The following CFAP96 variants were observed in gnomAD, a reference collection of about 807,000 sequenced individuals.
CFAP96 encodes cilia-and flagella-associated protein 96.
chr4:185,445,555 A>T, the CFAP96 span: 1 of 1,484,742 alleles, frequency 6.7e-7, no homozygotes, highest in African/African-American at 1.4e-5. Flanking sequence ...ATGAAAATAG[A>T]AAATATTCTG....
the CFAP96 span, among the ~76,000 whole-genome samples, chr4:185,427,560 G>T: frequency 6.6e-6 from 1 of 151,640 alleles, no homozygotes; most frequent in South Asian, 2.1e-4. Context: ...AGGAGTTTGA[G>T]ACCAGCCTGA....
the CFAP96 span, chr4:185,415,787 G>A: frequency 6.2e-6 from 10 of 1,613,348 alleles, no homozygotes; most frequent in African/African-American, 4.0e-5. Flanking sequence ...GGTGTCCTCC[G>A]CTTTCCCTTT....
At chr4:185,448,573 T>C in the CFAP96 span, among the ~76,000 whole-genome samples, 2 of 152,240 alleles carry the variant, frequency 1.3e-5, no homozygotes, top group Non-Finnish European at 2.9e-5. Flanking sequence ...GGTAAATGTA[T>C]GTAATTTAAA....
At chr4:185,409,035 C>T in the CFAP96 span, among the ~76,000 whole-genome samples, 3 of 152,088 alleles carry the variant, frequency 2.0e-5, no homozygotes, top group South Asian at 6.2e-4. Flanking sequence ...TCAGTGAGTA[C>T]ATACACTGTG....
At chr4:185,429,261 A>G in the CFAP96 span, 1 of 504,126 alleles carries the variant, frequency 2.0e-6, no homozygotes, top group Admixed American at 4.2e-5. Context: ...GACTGAAAGT[A>G]ATTAGAACTG....
the CFAP96 span, chr4:185,445,552 T>C: frequency 2.0e-6 from 3 of 1,499,080 alleles, no homozygotes; most frequent in Middle Eastern, 3.5e-4. Flanking sequence ...CCTATGAAAA[T>C]AGAAAATATT....
At chr4:185,415,930 TAA>T in the CFAP96 span, 1 of 1,341,210 alleles carries the variant, frequency 7.5e-7, no homozygotes, top group East Asian at 2.6e-5. Flanking sequence ...AAAGAGTAAG[TAA>T]AAAGACTTTT....
chr4:185,445,739 A>G, the CFAP96 span, among the ~76,000 whole-genome samples: 1 of 152,228 alleles, frequency 6.6e-6, no homozygotes, highest in Non-Finnish European at 1.5e-5. Flanking sequence ...ACATTCTTTT[A>G]TAAAAACAGT....
the CFAP96 span, among the ~76,000 whole-genome samples, chr4:185,439,005 C>T: frequency 2.9e-4 from 44 of 152,296 alleles, no homozygotes; most frequent in Non-Finnish European, 5.6e-4. Flanking sequence ...CTCAACTGAA[C>T]ATTCTAGGGC....
chr4:185,445,286 C>A, the CFAP96 span: 1 of 736,296 alleles, frequency 1.4e-6, no homozygotes, highest in Non-Finnish European at 2.2e-6. Flanking sequence ...CAGGTACCTG[C>A]CCTCCCTTGT....
chr4:185,428,787 T>A, the CFAP96 span, among the ~76,000 whole-genome samples: 1 of 152,138 alleles, frequency 6.6e-6, no homozygotes, highest in African/African-American at 2.4e-5. Flanking sequence ...CTCTTCCCCA[T>A]TCCCTTTATA....
the CFAP96 span, among the ~76,000 whole-genome samples, chr4:185,425,508 AAAT>A: frequency 6.6e-6 from 1 of 152,146 alleles, no homozygotes; most frequent in African/African-American, 2.4e-5. Flanking sequence ...CAGGGGAGGG[AAAT>A]ACCACGGGAA....
the CFAP96 span, among the ~76,000 whole-genome samples, chr4:185,436,803 A>G: frequency 6.6e-6 from 1 of 151,842 alleles, no homozygotes; most frequent in Admixed American, 6.6e-5. Context: ...GGCAGTGGCA[A>G]ACTCATGTTT....
At chr4:185,425,917 C>CG in the CFAP96 span, 3 of 1,575,446 alleles carry the variant, frequency 1.9e-6, no homozygotes, top group Non-Finnish European at 2.6e-6. Flanking sequence ...CCAAAAGTTC[C>CG]GGGGGCCGGC....
At chr4:185,442,704 T>G in the CFAP96 span, among the ~76,000 whole-genome samples, 1 of 152,164 alleles carries the variant, frequency 6.6e-6, no homozygotes, top group African/African-American at 2.4e-5. Flanking sequence ...ATACCTTTAG[T>G]TTTTCATTTT....
At chr4:185,447,343 G>A in the CFAP96 span, among the ~76,000 whole-genome samples, 9 of 151,670 alleles carry the variant, frequency 5.9e-5, no homozygotes, top group South Asian at 6.3e-4. Context: ...CACCACGCCC[G>A]GCTAATTTTT....
chr4:185,440,579 C>G, the CFAP96 span: 1 of 1,533,628 alleles, frequency 6.5e-7, no homozygotes, highest in Non-Finnish European at 8.8e-7. Flanking sequence ...TAAAGGAGCA[C>G]CATTTAAGTT....
chr4:185,446,173 G>C, the CFAP96 span, among the ~76,000 whole-genome samples: 1 of 152,152 alleles, frequency 6.6e-6, no homozygotes, highest in Admixed American at 6.5e-5. Context: ...TACTTGTTAA[G>C]TTCTTTAGAA....
the CFAP96 span, among the ~76,000 whole-genome samples, chr4:185,412,067 A>G: frequency 9.1e-3 from 1,366 of 150,498 alleles, 15 homozygotes; most frequent in African/African-American, 0.031. Context: ...ACAGACTGGT[A>G]AAGTTTTGCT....
Sources: gnomAD v4.1 joint callset for allele counts (sites outside exome capture counted in the v4.1 genomes callset) on GRCh38, gnomAD v4.1.1 for gene constraint, MANE v1.5 for transcripts, NCBI Gene and HGNC (gene_info 2026-07-23, HGNC 2026-07-21) for gene names.